The following RBAK variants were observed in gnomAD, a reference collection of about 807,000 sequenced individuals.
RBAK encodes RB-associated KRAB zinc finger protein.
A neutral mutation model predicts 65.8 loss-of-function variants in RBAK; 39 were observed. The observed-to-expected ratio is 0.59, with a 90% CI of 0.46 to 0.77. RBAK has a LOEUF of 0.77. Among genes scored for constraint, RBAK ranks in the 30% least tolerant of loss-of-function variants. RBAK has a pLI of 0.00. For missense variants in RBAK, 884 were observed against 855.1 expected, an observed-to-expected ratio of 1.03 and a Z score of -0.42; for synonymous variants, 343 against 289.7, an observed-to-expected ratio of 1.18 and a Z score of -1.87.
At position 5,057,747 on chromosome 7, in the gene RBAK, T is replaced by C. The variant is rs1778963231; in HGVS notation, c.206T>C (p.Met69Thr). Residue 69 changes from methionine to threonine, a missense_variant, in exon 4 of 5, where the codon ATG becomes ACG. Physicochemically the swap from Met to Thr is moderately conservative, Grantham distance 81. Transcript: ENST00000396912. ...GAGCAGGGAGAGGAGCCGTGGATAA[T>C]GGGAGGTGAATTTCCATGTCAACAT... Reference protein sequence around the residue: ...KLEQGEEPWIMGGEFPCQHSP... With the variant: ...KLEQGEEPWITGGEFPCQHSP... The C allele has an allele frequency of 6.2e-7, 1 of 1,613,850 alleles. No homozygotes were observed. The highest frequency in any genetic ancestry group is 8.5e-7 in the Non-Finnish European group (1 of 1,179,814).
chr7:5,056,863 A>C (rs1778930552), intron 2 of RBAK: 1 of 152,464 alleles, frequency 6.6e-6, no homozygotes, highest in Non-Finnish European at 1.5e-5. Context: ...GGGCAAGGGG[A>C]GGGCCTGGCA....
At chr7:5,062,840 A>T (rs1779110348) in intron 4 of RBAK, among the ~76,000 whole-genome samples, 1 of 152,202 alleles carries the variant, frequency 6.6e-6, no homozygotes, top group Non-Finnish European at 1.5e-5. Flanking sequence ...TTGCTTTTGA[A>T]AGAAGAGAAA....
intron 4 of RBAK, among the ~76,000 whole-genome samples, chr7:5,063,472 T>A (rs1253488590): frequency 7.2e-6 from 1 of 139,074 alleles, no homozygotes; most frequent in African/African-American, 2.7e-5. Context: ...ACCTTAATTC[T>A]TTCACTGTGT....
At chr7:5,046,470 G>A (rs1261911887) in intron 1 of RBAK, 74 bp downstream of exon 1, 1 of 449,570 alleles carries the variant, frequency 2.2e-6, no homozygotes, top group Non-Finnish European at 4.3e-6. Flanking sequence ...ACCTTAGAGT[G>A]TGGGGCAGGG....
At chr7:5,055,020 G>A (rs1788195566) in intron 2 of RBAK, among the ~76,000 whole-genome samples, 1 of 152,008 alleles carries the variant, frequency 6.6e-6, no homozygotes, top group African/African-American at 2.4e-5. Context: ...GACCTCGGGT[G>A]ATCTGCCCGC....
At chr7:5,059,046 G>T (rs190662225) in intron 4 of RBAK, among the ~76,000 whole-genome samples, 55 of 152,284 alleles carry the variant, frequency 3.6e-4, no homozygotes, top group Middle Eastern at 6.8e-3. Flanking sequence ...CCAAAATCAT[G>T]AATTCTGTCT....
chr7:5,045,987 G>A lies in RBAK; in HGVS notation c.-454G>A, dbSNP rs1290967092. Reference sequence around the variant, plus strand: ...GAGCGCCCGGGCCAGCACCTAGGCGGGCGCGGGGGTGTGCAGGCCAGGGTT... The same window carrying A: ...GAGCGCCCGGGCCAGCACCTAGGCGAGCGCGGGGGTGTGCAGGCCAGGGTT... On this transcript the variant is annotated 5_prime_UTR_variant, in exon 1 of 5. Transcript: ENST00000396912. 4 of 294,638 alleles carry A rather than the reference G, an allele frequency of 1.4e-5. No homozygotes were observed. The highest frequency in any genetic ancestry group is 5.5e-5 in the South Asian group (2 of 36,454). 18.3% of individuals were successfully genotyped at this position (294,638 alleles called of 1,614,324 possible). A position where few individuals can be genotyped will look rare whatever the true frequency, so the allele number is the denominator to read the frequency against.
At chr7:5,061,898 C>CA (rs548377705) in intron 4 of RBAK, among the ~76,000 whole-genome samples, 18,033 of 143,038 alleles carry the variant, frequency 0.13, 1,229 homozygotes, top group African/African-American at 0.2. Flanking sequence ...ACTCCATCTA[C>CA]AAAAAAAAAA....
At chr7:5,054,445 C>T (rs1019468948) in intron 2 of RBAK, among the ~76,000 whole-genome samples, 11 of 151,436 alleles carry the variant, frequency 7.3e-5, no homozygotes, top group African/African-American at 1.9e-4. Flanking sequence ...ATATGTTCTC[C>T]GTTTTATTTT....
In RBAK at chr7:5,048,083, A is replaced by G; in HGVS notation, c.7A>G (p.Thr3Ala). Residue 3 changes from threonine to alanine, a missense_variant, in exon 2 of 5, where the codon ACA becomes GCA. Transcript: ENST00000396912. The surrounding 1 kb of genome is among the most constrained non-coding windows in gnomAD (Gnocchi z 4.4). Reference protein sequence around the residue: MNTLQGPVSFKDV... With the variant: MNALQGPVSFKDV... Reference sequence around the variant, plus strand: ...TTTCCAAGAGCAGCAGAAAATGAACACATTGCAGGTGAGTTTTCATGCTTG... The same window carrying G: ...TTTCCAAGAGCAGCAGAAAATGAACGCATTGCAGGTGAGTTTTCATGCTTG... 1 of 1,596,388 alleles carries G rather than the reference A, an allele frequency of 6.3e-7. No homozygotes were observed. The highest frequency in any genetic ancestry group is 8.5e-7 in the Non-Finnish European group (1 of 1,173,748).
intron 4 of RBAK, among the ~76,000 whole-genome samples, chr7:5,062,727 G>T (rs1444287810): frequency 1.3e-5 from 2 of 152,100 alleles, no homozygotes; most frequent in Admixed American, 1.3e-4. Context: ...ATAGACGACG[G>T]CCACACCTAA....
intron 1 of RBAK, among the ~76,000 whole-genome samples, chr7:5,046,848 G>A (rs1273172115): frequency 6.6e-6 from 1 of 152,164 alleles, no homozygotes; most frequent in Non-Finnish European, 1.5e-5. Flanking sequence ...GCCTTAGCAG[G>A]TGGGTGACTT....
intron 4 of RBAK, among the ~76,000 whole-genome samples, chr7:5,060,132 C>G (rs1294425207): frequency 2.0e-5 from 3 of 152,214 alleles, no homozygotes; most frequent in Non-Finnish European, 4.4e-5. Flanking sequence ...TGAGCTTCTT[C>G]TACCGAATTA....
chr7:5,055,946 G>A (rs55914758), intron 2 of RBAK, among the ~76,000 whole-genome samples: 20,334 of 151,862 alleles, frequency 0.13, 1,646 homozygotes, highest in Non-Finnish European at 0.18. Context: ...TTGTTGATAT[G>A]TTCTTTATAA....
At position 5,053,886 on chromosome 7, in the gene RBAK, ACT is replaced by A. The variant is rs1423238190; in HGVS notation, c.16-3406_16-3405del. On this transcript the variant is annotated intron_variant, in intron 2 of 4. Transcript: ENST00000396912. ...TCTCAGTGCTCTGTGTGGGTTGTAA[ACT>A]CTGTCAATTCTGGGCCAGTTTTGAT... Among the ~76,000 whole-genome samples the A allele has an allele frequency of 2.0e-5, 3 of 151,906 alleles. No individual in the cohort carries two copies. In the East Asian group the frequency reaches 5.8e-4, roughly 29 times the overall value.
At chr7:5,058,326 C>T (rs1171445732) in intron 4 of RBAK, among the ~76,000 whole-genome samples, 1 of 152,172 alleles carries the variant, frequency 6.6e-6, no homozygotes, top group Non-Finnish European at 1.5e-5. Flanking sequence ...CTGCCCACCT[C>T]AGCCTCCCAA....
rs1395280614 is a variant in RBAK, at chr7:5,045,862, T to C, written c.-579T>C. 6.0e-5 allele frequency: 20 copies of C among 332,058 alleles called. No homozygotes were observed. Among genetic ancestry groups the C allele is most frequent in the South Asian group, 4.0e-4 (18 of 44,572 alleles). The allele number at this position is 332,058 out of a possible 1,614,324, so 20.6% of individuals were successfully genotyped here. ...TCGCGCATGCGCGCCGCCGCTGCAC[T>C]GCCCTCGCTTCCTGTGCGTCCTCAG... On this transcript the variant is annotated 5_prime_UTR_variant, in exon 1 of 5. Coordinates refer to ENST00000396912, the MANE Select transcript of RBAK (RefSeq NM_021163.4).
chr7:5,060,319 G>C (rs1362763556), intron 4 of RBAK, among the ~76,000 whole-genome samples: 2 of 152,066 alleles, frequency 1.3e-5, no homozygotes, highest in Non-Finnish European at 2.9e-5. Context: ...AAACAGATAG[G>C]GGTTAGATTA....
chr7:5,058,559 A>C lies in RBAK; in HGVS notation c.238+780A>C, dbSNP rs116012263. Among the ~76,000 whole-genome samples, 252 of 152,214 alleles carry C rather than the reference A, an allele frequency of 1.7e-3. 2 individuals carry two copies. The highest frequency in any genetic ancestry group is 5.8e-3 in the African/African-American group (243 of 41,544). The stretch of plus-strand genomic sequence containing the variant: ...GATACCAAAACCTCATCCTCCACCT[A>C]TGCTTGTGAACTGAGTCACAGCTTG... On this transcript the variant is annotated intron_variant, in intron 4 of 4. Coordinates refer to ENST00000396912, the MANE Select transcript of RBAK (RefSeq NM_021163.4).
Sources: allele counts gnomAD v4.1 joint callset (sites outside exome capture counted in the v4.1 genomes callset), GRCh38; gene constraint gnomAD v4.1.1; non-coding constraint Gnocchi (gnomAD v3.1); transcripts MANE v1.5; gene names NCBI Gene and HGNC (gene_info 2026-07-23, HGNC 2026-07-21).